Variants in TPRG1 observed in about 807,000 individuals in gnomAD.
TPRG1 encodes the protein tumor protein p63-regulated gene 1 protein.
In TPRG1, 29 loss-of-function variants were observed where a neutral mutation model predicts 29.3. The observed-to-expected ratio is 0.99, with a 90% CI of 0.74 to 1.35. TPRG1 has a LOEUF of 1.35. Ranked by LOEUF, TPRG1 falls within the 40% of genes most tolerant of loss-of-function variation. The probability of loss-of-function intolerance (pLI) is 0.00; values close to 1 mark genes in which losing one functional copy is unlikely to be tolerated. For missense variants in TPRG1, 327 were observed against 335.0 expected, an observed-to-expected ratio of 0.98 and a Z score of 0.19; for synonymous variants, 130 against 116.8, an observed-to-expected ratio of 1.11 and a Z score of -0.73.
At chr3:189,086,526 A>ATTTTT (rs111588968) in intron 4 of TPRG1, among the ~76,000 whole-genome samples, 1 of 137,212 alleles carries the variant, frequency 7.3e-6, no homozygotes, top group Non-Finnish European at 1.6e-5. Context: ...CACCCAGCTA[A>ATTTTT]TTTTTTTTTT....
At chr3:189,080,471 T>G (rs1717518024) in intron 4 of TPRG1, among the ~76,000 whole-genome samples, 1 of 152,136 alleles carries the variant, frequency 6.6e-6, no homozygotes, top group South Asian at 2.1e-4. Flanking sequence ...TTCTTGAATC[T>G]TTTTTCCTGC....
At chr3:189,303,752 C>G (rs1209757068) in intron 4 of TPRG1, among the ~76,000 whole-genome samples, 3 of 152,186 alleles carry the variant, frequency 2.0e-5, no homozygotes, top group Admixed American at 1.3e-4. Flanking sequence ...TGCACAAACA[C>G]ACATATATTC....
chr3:189,289,905 G>C (rs1195835025), intron 4 of TPRG1, among the ~76,000 whole-genome samples: 1 of 152,054 alleles, frequency 6.6e-6, no homozygotes, highest in Non-Finnish European at 1.5e-5. Flanking sequence ...AGAAGCCACA[G>C]GATAAACATG....
intron 1 of TPRG1, among the ~76,000 whole-genome samples, chr3:189,194,912 G>A (rs1347751442): frequency 2.0e-5 from 3 of 152,108 alleles, no homozygotes; most frequent in African/African-American, 7.2e-5. Context: ...CCCAGGAAGA[G>A]GGGTGTCTCA....
chr3:189,308,901 C>T (rs761075506), intron 4 of TPRG1, among the ~76,000 whole-genome samples: 1 of 151,082 alleles, frequency 6.6e-6, no homozygotes, highest in African/African-American at 2.4e-5. Context: ...ATTGTCAGGC[C>T]AGAAAAAAAA....
At chr3:189,101,575 A>C (rs1221544570) in intron 1 of TPRG1, among the ~76,000 whole-genome samples, 1 of 151,884 alleles carries the variant, frequency 6.6e-6, no homozygotes, top group African/African-American at 2.4e-5. Context: ...CTTAAGCCCT[A>C]CCATCATTCT....
At chr3:189,316,618 G>A (rs1045143423) in intron 5 of TPRG1, among the ~76,000 whole-genome samples, 1 of 152,158 alleles carries the variant, frequency 6.6e-6, no homozygotes, top group Admixed American at 6.5e-5. Context: ...CACTCGGCTG[G>A]TAAATAATTG....
chr3:189,236,906 G>A (rs1739562113), intron 3 of TPRG1, among the ~76,000 whole-genome samples: 1 of 151,890 alleles, frequency 6.6e-6, no homozygotes, highest in Non-Finnish European at 1.5e-5. Context: ...TACATAATTG[G>A]GTTACCCAAG....
chr3:189,302,212 GTTTTA>G, intron 4 of TPRG1, among the ~76,000 whole-genome samples: 1 of 152,252 alleles, frequency 6.6e-6, no homozygotes, highest in East Asian at 1.9e-4. Flanking sequence ...TGGAAGGCTT[GTTTTA>G]TATCTTTCGA....
At chr3:189,251,528 A>G (rs182022083) in intron 4 of TPRG1, among the ~76,000 whole-genome samples, 61 of 152,256 alleles carry the variant, frequency 4.0e-4, no homozygotes, top group East Asian at 3.7e-3. Context: ...CCAGCCTCTG[A>G]GTTCCCTTAG....
In TPRG1 at chr3:189,207,475, A is replaced by C; in HGVS notation, c.91A>C (p.Met31Leu). 1 of 1,614,022 alleles carries C rather than the reference A, an allele frequency of 6.2e-7. No homozygotes were observed. Among genetic ancestry groups the C allele is most frequent in the Non-Finnish European group, 8.5e-7 (1 of 1,179,982 alleles). Reference sequence around the variant, plus strand: ...ACCCTCTGAGACTGACCACCTATCGATGGAGGAAGAGGACCCGATGCCAAG... The same window carrying C: ...ACCCTCTGAGACTGACCACCTATCGCTGGAGGAAGAGGACCCGATGCCAAG... ...DQPSETDHLS[M>L]EEEDPMPRQI... Residue 31 changes from methionine to leucine, a missense_variant, in exon 2 of 6, where the codon ATG becomes CTG. By Grantham distance (15) the Met-to-Leu change is conservative (BLOSUM62 2). Transcript: ENST00000345063.
intron 4 of TPRG1, among the ~76,000 whole-genome samples, chr3:189,078,056 C>CT (rs1214508993): frequency 2.9e-4 from 42 of 146,554 alleles, no homozygotes; most frequent in African/African-American, 9.5e-4. Context: ...TCCTTCCTTC[C>CT]TTCCTTTCTC....
intron 3 of TPRG1, among the ~76,000 whole-genome samples, chr3:189,006,030 A>C (rs922498617): frequency 1.3e-5 from 2 of 152,066 alleles, no homozygotes; most frequent in Non-Finnish European, 2.9e-5. Flanking sequence ...AGGAACACTA[A>C]TTATATAATT....
intron 4 of TPRG1, among the ~76,000 whole-genome samples, chr3:189,047,176 CTT>C (rs894212621): frequency 6.6e-6 from 1 of 152,094 alleles, no homozygotes; most frequent in Admixed American, 6.5e-5. Flanking sequence ...TTATTACAAT[CTT>C]AAATATATAC....
Position 189,078,101 on chromosome 3 carries a change from CTTTCTTTCTT to C in TPRG1, c.-462-48954_-462-48945del, listed in dbSNP as rs1560430798. Among the ~76,000 whole-genome samples the C allele has an allele frequency of 5.3e-4, 66 of 124,442 alleles. No homozygotes were observed. In the East Asian group the frequency reaches 8.6e-3, roughly 16 times the overall value. 81.6% of individuals were successfully genotyped at this position (124,442 alleles called of 152,430 possible). A position where few individuals can be genotyped will look rare whatever the true frequency, so the allele number is the denominator to read the frequency against. On this transcript the variant is annotated intron_variant, in intron 4 of 10. Transcript: ENST00000433971. ...TCTTTCTCTCTTTCTCTCTTTCTTT[CTTTCTTTCTT>C]TCTTTCTTTCTTTCTTTCTTTCTTT...
chr3:189,215,240 G>T, intron 2 of TPRG1, 52 bp from the exon 3 acceptor site: 2 of 1,468,134 alleles, frequency 1.4e-6, no homozygotes, highest in East Asian at 2.4e-5. Flanking sequence ...AATCATAAGC[G>T]CGAAGTGGGC....
At chr3:189,140,551 A>C (rs141981850) in intron 3 of TPRG1, among the ~76,000 whole-genome samples, 1 of 152,268 alleles carries the variant, frequency 6.6e-6, no homozygotes, top group Non-Finnish European at 1.5e-5. Flanking sequence ...TGTTACCACT[A>C]TTATTCTCCT....
In TPRG1 at chr3:189,165,896, G is replaced by T. The variant is rs540277038; in HGVS notation, c.-10+15024G>T. Among the ~76,000 whole-genome samples the T allele has an allele frequency of 5.3e-5, 8 of 152,266 alleles. No homozygotes were observed. The East Asian group carries it at 9.7e-4, about 18-fold the overall frequency. On this transcript the variant is annotated intron_variant, in intron 5 of 6. Transcript: ENST00000412373. Reference sequence around the variant, plus strand: ...AATCTCTTAGGCTACAGGAACAGAGGCAGGGCTGTAACTGGTCAGGGACTA... The same window carrying T: ...AATCTCTTAGGCTACAGGAACAGAGTCAGGGCTGTAACTGGTCAGGGACTA...
At chr3:189,042,556 C>T (rs996314851) in intron 4 of TPRG1, among the ~76,000 whole-genome samples, 2 of 152,098 alleles carry the variant, frequency 1.3e-5, no homozygotes, top group African/African-American at 4.8e-5. Context: ...TTCAGATGAA[C>T]AAATAGAGTC....
Sources: allele counts gnomAD v4.1 joint callset (sites outside exome capture counted in the v4.1 genomes callset), GRCh38; gene constraint gnomAD v4.1.1; transcripts MANE v1.5; gene names NCBI Gene and HGNC (gene_info 2026-07-23, HGNC 2026-07-21).